The following OPCML variants were observed in gnomAD, a reference collection of about 807,000 sequenced individuals.
OPCML encodes the protein opioid binding protein/cell adhesion molecule like.
Under a neutral mutation model 37.8 loss-of-function variants are expected in OPCML, and 13 were observed. The observed-to-expected ratio is 0.34, with a 90% CI of 0.22 to 0.55. The LOEUF is 0.55. Ranked by LOEUF, OPCML falls within the 20% of genes least tolerant of loss-of-function variation. OPCML has a pLI of 0.91. For missense variants in OPCML, 341 were observed against 435.6 expected (o/e 0.78, Z 1.93); for synonymous variants, 176 against 168.8 (o/e 1.04, Z -0.33).
chr11:133,382,796 G>A (rs1254558143), intron 1 of OPCML, among the ~76,000 whole-genome samples: 1 of 152,124 alleles, frequency 6.6e-6, no homozygotes, highest in African/African-American at 2.4e-5. Context: ...CGACAAAGGA[G>A]AGGCCTCTGA....
At chr11:133,297,227 T>A (rs756203460) in intron 1 of OPCML, 3 of 151,998 alleles carry the variant, frequency 2.0e-5, no homozygotes, top group African/African-American at 4.8e-5. Context: ...GAGAATAAGG[T>A]GGGTTAGAGT....
intron 1 of OPCML, chr11:133,423,511 T>G: frequency 6.1e-6 from 6 of 984,824 alleles, no homozygotes; most frequent in Non-Finnish European, 6.0e-6. Context: ...GCTCCCAAAC[T>G]GGAGAAAAGA....
At chr11:133,361,389 T>C (rs1312422941) in intron 1 of OPCML, 2 of 152,458 alleles carry the variant, frequency 1.3e-5, no homozygotes, top group African/African-American at 4.8e-5. Flanking sequence ...CAGCCCAACG[T>C]CGGGGTCACT....
intron 2 of OPCML, among the ~76,000 whole-genome samples, chr11:132,905,393 G>A (rs531686619): frequency 7.9e-5 from 12 of 151,888 alleles, no homozygotes; most frequent in East Asian, 3.9e-4. Flanking sequence ...CACCACGTCC[G>A]GCTAATTTTT....
chr11:133,503,463 C>A (rs1010127548), intron 1 of OPCML, among the ~76,000 whole-genome samples: 1 of 152,340 alleles, frequency 6.6e-6, no homozygotes, highest in East Asian at 1.9e-4. Context: ...AACAGCCAAA[C>A]GCAGCTCCTC....
At chr11:133,421,961 CTTTCT>C (rs1373542826) in intron 1 of OPCML, among the ~76,000 whole-genome samples, 5 of 152,060 alleles carry the variant, frequency 3.3e-5, no homozygotes, top group African/African-American at 9.7e-5. Flanking sequence ...TAACACAGCT[CTTTCT>C]TTTCTTTTTT....
intron 1 of OPCML, chr11:133,297,239 T>C (rs570125008): frequency 6.6e-6 from 1 of 152,228 alleles, no homozygotes; most frequent in African/African-American, 2.4e-5. Context: ...GGTTAGAGTT[T>C]ACTGCAACCA....
intron 1 of OPCML, chr11:133,419,468 T>C: frequency 4.0e-5 from 13 of 321,300 alleles, no homozygotes; most frequent in Non-Finnish European, 5.8e-5. Flanking sequence ...AAACTTTTGA[T>C]TAAATAAGTT....
At chr11:133,239,500 C>A (rs575461929) in intron 1 of OPCML, among the ~76,000 whole-genome samples, 1 of 152,346 alleles carries the variant, frequency 6.6e-6, no homozygotes, top group East Asian at 1.9e-4. Context: ...GTGCTCCCTG[C>A]AGCCAGGGCC....
At chr11:133,038,080 A>T (rs533853516) in intron 1 of OPCML, among the ~76,000 whole-genome samples, 2 of 152,366 alleles carry the variant, frequency 1.3e-5, no homozygotes, top group South Asian at 4.1e-4. Context: ...CTCTTGGCCC[A>T]TATCTCTACA....
chr11:133,396,894 A>G (rs916041645), intron 1 of OPCML, among the ~76,000 whole-genome samples: 2 of 152,078 alleles, frequency 1.3e-5, no homozygotes, highest in African/African-American at 4.8e-5. Flanking sequence ...ATTTATTCCT[A>G]CTTCTACTGA....
chr11:132,617,776 A>G (rs902379181), intron 3 of OPCML, among the ~76,000 whole-genome samples: 2 of 152,208 alleles, frequency 1.3e-5, no homozygotes, highest in African/African-American at 2.4e-5. Context: ...GTGCTTACAC[A>G]CATAAAGATC....
At chr11:133,244,189 G>A (rs7931579) in intron 1 of OPCML, among the ~76,000 whole-genome samples, 3 of 152,182 alleles carry the variant, frequency 2.0e-5, no homozygotes, top group Non-Finnish European at 2.9e-5. Context: ...GGCTTGGAAT[G>A]CCAGCTCCAC....
intron 1 of OPCML, among the ~76,000 whole-genome samples, chr11:133,121,010 C>T (rs1469804245): frequency 1.3e-5 from 2 of 152,164 alleles, no homozygotes; most frequent in Non-Finnish European, 2.9e-5. Flanking sequence ...GCAACCTCTG[C>T]TTCCTGGGTT....
chr11:132,930,116 T>C (rs1324150582), intron 2 of OPCML, among the ~76,000 whole-genome samples: 1 of 152,062 alleles, frequency 6.6e-6, no homozygotes, highest in Non-Finnish European at 1.5e-5. Context: ...ATAATCCCAG[T>C]ACTATGGGAT....
At chr11:133,016,940 A>G (rs1947345426) in intron 1 of OPCML, among the ~76,000 whole-genome samples, 1 of 152,216 alleles carries the variant, frequency 6.6e-6, no homozygotes, top group Non-Finnish European at 1.5e-5. Flanking sequence ...ATAAGTCAGA[A>G]TCTTTGAGGG....
chr11:133,061,012 A>G (rs1387620256), intron 1 of OPCML, among the ~76,000 whole-genome samples: 1 of 152,202 alleles, frequency 6.6e-6, no homozygotes, highest in Admixed American at 6.5e-5. Flanking sequence ...AAAGGATAAT[A>G]GTTTTTGTTT....
At chr11:132,956,966 A>G (rs902012775) in intron 1 of OPCML, among the ~76,000 whole-genome samples, 2 of 152,202 alleles carry the variant, frequency 1.3e-5, no homozygotes, top group African/African-American at 4.8e-5. Flanking sequence ...TCCTATCTCT[A>G]CGAAAATTTT....
At chr11:132,658,744 T>C (rs996595656) in intron 2 of OPCML, among the ~76,000 whole-genome samples, 1 of 152,198 alleles carries the variant, frequency 6.6e-6, no homozygotes, top group South Asian at 2.1e-4. Flanking sequence ...GAATAATGCA[T>C]GTAAATAACA....
Sources: gnomAD v4.1 joint callset for allele counts (sites outside exome capture counted in the v4.1 genomes callset) on GRCh38, gnomAD v4.1.1 for gene constraint, MANE v1.5 for transcripts, NCBI Gene and HGNC (gene_info 2026-07-23, HGNC 2026-07-21) for gene names.